Variants in TPST1 observed in about 807,000 individuals in gnomAD.
The protein encoded by TPST1 is tyrosylprotein sulfotransferase 1.
A neutral mutation model predicts 34.8 loss-of-function variants in TPST1; 20 were observed. That is an observed-to-expected ratio of 0.57 (90% confidence interval 0.40 to 0.84). The LOEUF (loss-of-function observed/expected upper bound fraction) is 0.84. Among genes scored for constraint, TPST1 ranks in the 40% least tolerant of loss-of-function variants. The pLI, the probability that TPST1 is intolerant of heterozygous loss-of-function variation, is 0.00. For synonymous variants in TPST1, 152 were observed against 159.4 expected, an observed-to-expected ratio of 0.95 and a Z score of 0.35; for missense variants, 353 against 455.5, an observed-to-expected ratio of 0.78 and a Z score of 2.05.
intron 1 of TPST1, among the ~76,000 whole-genome samples, chr7:66,217,482 G>T (rs937755491): frequency 2.0e-5 from 3 of 152,200 alleles, no homozygotes; most frequent in Non-Finnish European, 2.9e-5. Flanking sequence ...GTCTTAAAGT[G>T]CATTGTATCT....
chr7:66,212,456 CTTTTTTCTT>C (rs1789282941), intron 1 of TPST1, among the ~76,000 whole-genome samples: 13 of 27,030 alleles, frequency 4.8e-4, no homozygotes, highest in Admixed American at 6.5e-4. Context: ...ATTTTCTTTT[CTTTTTTCTT>C]TTTTTTTTTT....
intron 2 of TPST1, among the ~76,000 whole-genome samples, chr7:66,248,503 GTT>G (rs373801835): frequency 4.0e-5 from 5 of 124,252 alleles, no homozygotes; most frequent in Admixed American, 8.7e-5. Flanking sequence ...AACATTTAGT[GTT>G]TTTTTTTTTT....
In TPST1 at chr7:66,296,252, CCCCCCT is replaced by C. The variant is rs372131881; in HGVS notation, c.1044+9549_1044+9554del. Among the ~76,000 whole-genome samples, 48 of 44,182 alleles carry C rather than the reference CCCCCCT, an allele frequency of 1.1e-3. 1 individual carries two copies. The highest frequency in any genetic ancestry group is 1.8e-3 in the Admixed American group (8 of 4,520). The allele number at this position is 44,182 out of a possible 152,430, so 29.0% of individuals were successfully genotyped here. On this transcript the variant is annotated intron_variant, in intron 3 of 5. Transcript: ENST00000304842. ...AATTAAAAAACACCCACCCTTCCCC[CCCCCCT>C]CCCCCACCGTCTCTGCCTATCTTTA...
chr7:66,282,675 A>G (rs1790955312), intron 2 of TPST1, among the ~76,000 whole-genome samples: 1 of 152,222 alleles, frequency 6.6e-6, no homozygotes, highest in African/African-American at 2.4e-5. Flanking sequence ...ACCCATGGAA[A>G]GAGGGAAAAG....
intron 2 of TPST1, among the ~76,000 whole-genome samples, chr7:66,275,108 G>A (rs1790780361): frequency 6.6e-6 from 1 of 152,068 alleles, no homozygotes; most frequent in African/African-American, 2.4e-5. Context: ...GCAGGAGAAT[G>A]GCGTGAACCC....
At chr7:66,245,623 C>T (rs921503046) in intron 2 of TPST1, among the ~76,000 whole-genome samples, 1 of 152,170 alleles carries the variant, frequency 6.6e-6, no homozygotes, top group African/African-American at 2.4e-5. Flanking sequence ...GAAGTTTGGT[C>T]ACACAAAGAA....
chr7:66,238,627 G>A (rs950746343), intron 1 of TPST1, among the ~76,000 whole-genome samples: 10 of 152,062 alleles, frequency 6.6e-5, no homozygotes, highest in African/African-American at 1.9e-4. Context: ...CCTGTTAGAT[G>A]AGGCCTTCCT....
At chr7:66,295,598 A>G (rs1791176614) in intron 3 of TPST1, among the ~76,000 whole-genome samples, 1 of 152,220 alleles carries the variant, frequency 6.6e-6, no homozygotes, top group Admixed American at 6.5e-5. Context: ...GATTTCATTG[A>G]TTAATGTAAT....
chr7:66,252,978 G>A (rs948120989), intron 2 of TPST1, among the ~76,000 whole-genome samples: 1 of 152,132 alleles, frequency 6.6e-6, no homozygotes, highest in African/African-American at 2.4e-5. Context: ...AATACAGTCA[G>A]TACTTTGGAT....
chr7:66,253,381 T>G (rs955565292), intron 2 of TPST1, among the ~76,000 whole-genome samples: 1 of 150,810 alleles, frequency 6.6e-6, no homozygotes, highest in African/African-American at 2.4e-5. Flanking sequence ...TTTTTTTTTT[T>G]TTTTTTTGAG....
At chr7:66,237,904 G>A (rs1789944002) in intron 1 of TPST1, among the ~76,000 whole-genome samples, 2 of 152,158 alleles carry the variant, frequency 1.3e-5, no homozygotes, top group Non-Finnish European at 2.9e-5. Context: ...ACGAGATGCA[G>A]ATGAACTGGG....
chr7:66,338,891 C>G (rs1350714764), intron 3 of TPST1, among the ~76,000 whole-genome samples: 1 of 151,906 alleles, frequency 6.6e-6, no homozygotes, highest in Non-Finnish European at 1.5e-5. Flanking sequence ...CCTCAAGGAA[C>G]TAGAAAAGCA....
At position 66,240,746 on chromosome 7, in the gene TPST1, C is replaced by T; in HGVS notation, c.321C>T (p.Ile107=). The change falls in exon 2 of 6, where the codon ATC becomes ATT. Residue 107 remains isoleucine, a synonymous_variant. Coordinates refer to ENST00000304842, the MANE Select transcript of TPST1 (RefSeq NM_003596.4). ...AGGAAACCAGGGTCATTCCCCGAAT[C>T]CTGGCCCTGAAGCAGATGTGGTCAC... ...CGEETRVIPR[I]LALKQMWSRS... is the part of the protein sequence containing the mutation. The T allele has an allele frequency of 6.2e-7, 1 of 1,614,192 alleles. No homozygotes were observed.
chr7:66,308,106 A>G (rs955123800), intron 3 of TPST1, among the ~76,000 whole-genome samples: 4 of 152,220 alleles, frequency 2.6e-5, no homozygotes, highest in Non-Finnish European at 5.9e-5. Context: ...ATGTGCAGTC[A>G]TGTACACTGC....
chr7:66,230,791 C>T (rs1789767987), intron 1 of TPST1, among the ~76,000 whole-genome samples: 1 of 152,144 alleles, frequency 6.6e-6, no homozygotes, highest in Admixed American at 6.5e-5. Flanking sequence ...TTTTATCCGG[C>T]CCCACCCACA....
chr7:66,335,454 C>CA (rs879285004), intron 3 of TPST1, among the ~76,000 whole-genome samples: 1,374 of 131,502 alleles, frequency 0.01, 17 homozygotes, highest in African/African-American at 0.031. Context: ...AACTGTGTCT[C>CA]AAAAAAAAAA....
chr7:66,235,382 T>C (rs1456562259), intron 1 of TPST1, among the ~76,000 whole-genome samples: 1 of 152,216 alleles, frequency 6.6e-6, no homozygotes, highest in Non-Finnish European at 1.5e-5. Context: ...TAAGCTGATA[T>C]TTTAATCTCA....
At chr7:66,355,580 A>C (rs1792566035) in intron 4 of TPST1, among the ~76,000 whole-genome samples, 1 of 151,914 alleles carries the variant, frequency 6.6e-6, no homozygotes, top group Non-Finnish European at 1.5e-5. Flanking sequence ...TGGACAACAT[A>C]GCAAGACCCT....
intron 3 of TPST1, among the ~76,000 whole-genome samples, chr7:66,317,667 G>C (rs1791662418): frequency 6.6e-6 from 1 of 151,470 alleles, no homozygotes; most frequent in East Asian, 1.9e-4. Flanking sequence ...TGTTTTTCTA[G>C]GAAGTGTAGG....
Sources: gnomAD v4.1 joint callset for allele counts (sites outside exome capture counted in the v4.1 genomes callset) on GRCh38, gnomAD v4.1.1 for gene constraint, MANE v1.5 for transcripts, NCBI Gene and HGNC (gene_info 2026-07-23, HGNC 2026-07-21) for gene names.